SUCLG2: variants seen among roughly 807,000 people sequenced by gnomAD.
The protein encoded by SUCLG2 is succinate--CoA ligase [GDP-forming] subunit beta, mitochondrial.
In SUCLG2, 42 loss-of-function variants were observed where a neutral mutation model predicts 47.9. The observed-to-expected ratio is 0.88, with a 90% CI of 0.69 to 1.14. The LOEUF (loss-of-function observed/expected upper bound fraction) is 1.14. SUCLG2 is among the 50% of genes most tolerant of loss of function. The probability of loss-of-function intolerance (pLI) is 0.00; values close to 1 mark genes in which losing one functional copy is unlikely to be tolerated. For synonymous variants in SUCLG2, 195 were observed against 197.3 expected (o/e 0.99, Z 0.10); for missense variants, 571 against 525.9 (o/e 1.09, Z -0.84).
chr3:67,438,222 G>A (rs2106903886), intron 9 of SUCLG2, among the ~76,000 whole-genome samples: 1 of 152,244 alleles, frequency 6.6e-6, no homozygotes, highest in African/African-American at 2.4e-5. Flanking sequence ...TTGGGACACA[G>A]CTAAGGAAGT....
At chr3:67,392,248 C>T (rs969849379) in intron 10 of SUCLG2, among the ~76,000 whole-genome samples, 4 of 152,170 alleles carry the variant, frequency 2.6e-5, no homozygotes, top group Non-Finnish European at 4.4e-5. Context: ...CCTTATCACT[C>T]GCATCCTCTC....
chr3:67,540,064 T>C (rs1486958713), intron 2 of SUCLG2, among the ~76,000 whole-genome samples: 8 of 151,674 alleles, frequency 5.3e-5, no homozygotes, highest in Non-Finnish European at 1.2e-4. Context: ...CCTTCAGTTC[T>C]GCTCTGATCT....
chr3:67,418,007 A>G (rs1703073542), intron 9 of SUCLG2, among the ~76,000 whole-genome samples: 1 of 152,214 alleles, frequency 6.6e-6, no homozygotes, highest in South Asian at 2.1e-4. Flanking sequence ...ATACAAAGAT[A>G]AATAATACAT....
intron 1 of SUCLG2, among the ~76,000 whole-genome samples, chr3:67,618,377 CCAT>C (rs1436287881): frequency 6.6e-6 from 1 of 152,128 alleles, no homozygotes; most frequent in Admixed American, 6.5e-5. Flanking sequence ...CGAGATCTCG[CCAT>C]TGCACTCCAG....
chr3:67,591,754 C>T (rs761520563), intron 2 of SUCLG2, among the ~76,000 whole-genome samples: 4 of 152,128 alleles, frequency 2.6e-5, no homozygotes, highest in Non-Finnish European at 2.9e-5. Context: ...TACAACAATA[C>T]GTTAGATCTA....
chr3:67,416,199 C>A (rs535604085), intron 9 of SUCLG2, among the ~76,000 whole-genome samples: 15 of 152,268 alleles, frequency 9.9e-5, no homozygotes, highest in Admixed American at 9.8e-4. Context: ...TCAATAAACT[C>A]AAGGTTGAAT....
chr3:67,645,414 C>G (rs1225078307), intron 1 of SUCLG2, among the ~76,000 whole-genome samples: 2 of 152,154 alleles, frequency 1.3e-5, no homozygotes, highest in Non-Finnish European at 2.9e-5. Flanking sequence ...CCTTCTGCCT[C>G]CATTTCCAAC....
chr3:67,436,310 T>C (rs1001074487), intron 9 of SUCLG2, among the ~76,000 whole-genome samples: 3 of 152,136 alleles, frequency 2.0e-5, no homozygotes, highest in Non-Finnish European at 4.4e-5. Context: ...TTCCAGCCCT[T>C]TGCCAGACAC....
At chr3:67,458,007 C>T (rs114660944) in intron 9 of SUCLG2, among the ~76,000 whole-genome samples, 1 of 152,078 alleles carries the variant, frequency 6.6e-6, no homozygotes, top group Non-Finnish European at 1.5e-5. Flanking sequence ...TCTGCCTTTG[C>T]CCTCTCAGAT....
intron 2 of SUCLG2, among the ~76,000 whole-genome samples, chr3:67,574,496 T>A (rs532726583): frequency 1.3e-4 from 20 of 152,340 alleles, no homozygotes; most frequent in African/African-American, 4.8e-4. Context: ...GTTCAAAAAA[T>A]GGTAGAGACA....
intron 1 of SUCLG2, among the ~76,000 whole-genome samples, chr3:67,636,588 G>A (rs1402531259): frequency 1.3e-5 from 2 of 151,944 alleles, no homozygotes; most frequent in Non-Finnish European, 2.9e-5. Flanking sequence ...TCCTGACCTC[G>A]TGATCCACCT....
At chr3:67,633,514 T>A (rs570358356) in intron 1 of SUCLG2, among the ~76,000 whole-genome samples, 81 of 152,332 alleles carry the variant, frequency 5.3e-4, no homozygotes, top group African/African-American at 1.9e-3. Context: ...TTCTATAGCC[T>A]ATAAAATAAT....
At chr3:67,637,476 G>A (rs1701029491) in intron 1 of SUCLG2, among the ~76,000 whole-genome samples, 1 of 152,152 alleles carries the variant, frequency 6.6e-6, no homozygotes, top group South Asian at 2.1e-4. Flanking sequence ...TCCTTCAAAA[G>A]CTAGGACATT....
chr3:67,511,155 T>G (rs1705777670), intron 6 of SUCLG2, among the ~76,000 whole-genome samples: 1 of 152,142 alleles, frequency 6.6e-6, no homozygotes, highest in Non-Finnish European at 1.5e-5. Context: ...CCAAAGGTGC[T>G]GGGATTACAG....
intron 9 of SUCLG2, among the ~76,000 whole-genome samples, chr3:67,459,559 T>C (rs970900535): frequency 6.6e-6 from 1 of 152,178 alleles, no homozygotes; most frequent in Non-Finnish European, 1.5e-5. Flanking sequence ...ATTTGTGATA[T>C]AATGAAAAAG....
At chr3:67,458,074 T>C (rs1704233426) in intron 9 of SUCLG2, among the ~76,000 whole-genome samples, 1 of 151,998 alleles carries the variant, frequency 6.6e-6, no homozygotes, top group Non-Finnish European at 1.5e-5. Flanking sequence ...TTTGGAGATA[T>C]CACATGGAGA....
chr3:67,434,202 C>T (rs970388393), intron 9 of SUCLG2, among the ~76,000 whole-genome samples: 1 of 152,122 alleles, frequency 6.6e-6, no homozygotes, highest in African/African-American at 2.4e-5. Context: ...TTAACATAAT[C>T]AAGAAATTGA....
intron 9 of SUCLG2, among the ~76,000 whole-genome samples, chr3:67,471,996 T>G (rs1407977692): frequency 6.6e-6 from 1 of 152,224 alleles, no homozygotes; most frequent in African/African-American, 2.4e-5. Flanking sequence ...AATGACCTTG[T>G]TTTAAGACAA....
chr3:67,493,911 T>C (rs897472442), intron 9 of SUCLG2, among the ~76,000 whole-genome samples: 4 of 152,240 alleles, frequency 2.6e-5, no homozygotes, highest in East Asian at 3.8e-4. Context: ...AGTGGAAACA[T>C]TGTTCTTTTT....
Sources: allele counts gnomAD v4.1 joint callset (sites outside exome capture counted in the v4.1 genomes callset), GRCh38; gene constraint gnomAD v4.1.1; transcripts MANE v1.5; gene names NCBI Gene and HGNC (gene_info 2026-07-23, HGNC 2026-07-21).